LTBP4: variants seen among roughly 807,000 people sequenced by gnomAD.
LTBP4 encodes the protein latent-transforming growth factor beta-binding protein 4.
LTBP4 carries 93 observed loss-of-function variants against 180.2 expected under a neutral mutation model. The observed-to-expected ratio is 0.52, with a 90% CI of 0.44 to 0.61. LTBP4 has a LOEUF of 0.61. Among genes scored for constraint, LTBP4 ranks in the 20% least tolerant of loss-of-function variants. The pLI, the probability that LTBP4 is intolerant of heterozygous loss-of-function variation, is 0.00. For missense variants in LTBP4, 2,116 were observed against 2,256.5 expected, an observed-to-expected ratio of 0.94 and a Z score of 1.26; for synonymous variants, 947 against 934.5, an observed-to-expected ratio of 1.01 and a Z score of -0.24.
Position 40,629,453 on chromosome 19 carries a change from G to T in LTBP4, c.4577G>T (p.Cys1526Phe). The T allele has an allele frequency of 1.9e-6, 3 of 1,612,234 alleles. No individual in the cohort carries two copies. Among genetic ancestry groups the T allele is most frequent in the Non-Finnish European group, 2.5e-6 (3 of 1,179,238 alleles). Reference protein sequence around the residue: ...AASPLCVNARCLNTDGSFRCI... With the variant: ...AASPLCVNARFLNTDGSFRCI... ...TCCCCGCTGTGCGTCAACGCGCGTT[G>T]CCTCAACACGGATGGCTCCTTCCGC... is the stretch of plus-strand genomic sequence containing the variant. The change falls in exon 30 of 30, where the codon TGC (cysteine) becomes TTC (phenylalanine). Residue 1526 changes from cysteine to phenylalanine, a missense_variant. Transcript: ENST00000396819. This position sits in a 1 kb window ranked among gnomAD's most constrained non-coding sequence, Gnocchi z 4.5.
intron 27 of LTBP4, among the ~76,000 whole-genome samples, chr19:40,626,474 G>T (rs552344043): frequency 3.9e-5 from 6 of 151,908 alleles, no homozygotes; most frequent in African/African-American, 1.5e-4. Context: ...ACCACATCCG[G>T]GTGCCTAAGA....
At position 40,627,054 on chromosome 19, in the gene LTBP4, C is replaced by T. The variant is rs750237173; in HGVS notation, c.4065C>T (p.Tyr1355=). 5.0e-6 allele frequency: 8 copies of T among 1,613,512 alleles called. No individual in the cohort carries two copies. Among genetic ancestry groups the T allele is most frequent in the Non-Finnish European group, 5.9e-6 (7 of 1,179,602 alleles). ...PPRPGGFGLP[Y]EYGPDLGPPY... is the part of the protein sequence containing the mutation. The stretch of plus-strand genomic sequence containing the variant: ...GACCAGGTGGCTTTGGACTCCCCTA[C>T]GAGTACGGCCCAGACTTAGGTCCAC... Residue 1355 remains tyrosine (Y), a synonymous_variant, in exon 28 of 30, where the codon TAC becomes TAT. Transcript: ENST00000396819.
At position 40,595,055 on chromosome 19, in the gene LTBP4, C is replaced by T. The variant is rs185679564; in HGVS notation, c.16+1874C>T. Among the ~76,000 whole-genome samples, 155 of 152,084 alleles carry T rather than the reference C, an allele frequency of 1.0e-3. 1 individual carries two copies. The highest frequency in any genetic ancestry group is 2.9e-3 in the Admixed American group (45 of 15,262). ...ATCCACGAGGTGGGGGCGGGGCTAA[C>T]GCTACAGAACTGGGAAGCTTAAGAA... On this transcript the variant is annotated intron_variant, in intron 1 of 32. Coordinates refer to the LTBP4 transcript ENST00000204005.
chr19:40,623,911 T>A (rs1402925801), intron 25 of LTBP4, 25 bp from the exon 26 acceptor site: 1 of 1,612,924 alleles, frequency 6.2e-7, no homozygotes, highest in South Asian at 1.1e-5. Context: ...TTGAAGGGGA[T>A]GCCTCTTAAT....
chr19:40,605,687 T>C lies in LTBP4; in HGVS notation c.690+35T>C, dbSNP rs1342540951. On this transcript the variant is annotated intron_variant, in intron 3 of 29. Transcript: ENST00000396819. This position sits in a 1 kb window ranked among gnomAD's most constrained non-coding sequence, Gnocchi z 5.5. The stretch of plus-strand genomic sequence containing the variant: ...GGCCCGTGGGGAGGGGCCCGGAGCT[T>C]GCCTCCGCGCGGGGGCGCGCTCACC... 1.3e-6 allele frequency: 2 copies of C among 1,546,834 alleles called. No individual in the cohort carries two copies. Among genetic ancestry groups the C allele is most frequent in the East Asian group, 4.9e-5 (2 of 40,886 alleles).
chr19:40,612,232 T>C (rs1165215178), intron 15 of LTBP4, 40 bp downstream of exon 15: 3 of 1,549,378 alleles, frequency 1.9e-6, no homozygotes, highest in South Asian at 1.2e-5. Context: ...GCCTGCATCA[T>C]GACCCCCGAC....
At chr19:40,598,046 T>A (rs113365276), upstream of LTBP4, among the ~76,000 whole-genome samples, 6 of 152,020 alleles carry the variant, frequency 3.9e-5, 2 homozygotes, top group African/African-American at 1.4e-4. Flanking sequence ...TCCCTATAGA[T>A]CTGGGGGCTA....
At chr19:40,625,329 A>T (rs1346593240) in intron 26 of LTBP4, among the ~76,000 whole-genome samples, 4 of 53,602 alleles carry the variant, frequency 7.5e-5, no homozygotes, top group East Asian at 5.5e-4. Flanking sequence ...TTTTTTTTTA[A>T]AGATGGGTTT....
At position 40,622,573 on chromosome 19, in the gene LTBP4, G is replaced by A. The variant is rs2081593852; in HGVS notation, c.3390G>A (p.Leu1130=). 6.2e-7 allele frequency: 1 copy of A among 1,613,872 alleles called. No individual in the cohort carries two copies. Among genetic ancestry groups the A allele is most frequent in the East Asian group, 2.2e-5 (1 of 44,886 alleles). ...CCCCGGATGCATGTGACAACATCCT[G>A]GCTCGGAATGTGACATGGCAGGAGT... The part of the protein sequence containing the change: ...TAAPDACDNI[L]ARNVTWQECC... Residue 1130 remains leucine, a synonymous_variant, in exon 23 of 30, where the codon CTG becomes CTA. Transcript: ENST00000396819. The surrounding 1 kb of genome is among the most constrained non-coding windows in gnomAD (Gnocchi z 5.1).
rs1305382437 is a variant in LTBP4, at chr19:40,623,661, A to G, written c.3614A>G (p.Asn1205Ser). 9 of 1,613,852 alleles carry G rather than the reference A, an allele frequency of 5.6e-6. No homozygotes were observed. Among genetic ancestry groups the G allele is most frequent in the Non-Finnish European group, 7.6e-6 (9 of 1,179,884 alleles). ...GTGTGCAAGAGTGGCGTGTGTGTGAACACGGCCCCGGGCTACTCATGCTAT... is the reference window on the plus strand; with the variant it reads ...GTGTGCAAGAGTGGCGTGTGTGTGAGCACGGCCCCGGGCTACTCATGCTAT... ...DQVCKSGVCV[N>S]TAPGYSCYCS... is the part of the protein sequence containing the mutation. Residue 1205 changes from asparagine to serine, a missense_variant, in exon 25 of 30, where the codon AAC becomes AGC. Physicochemically the swap from Asn to Ser is conservative, Grantham distance 46 (BLOSUM62 1). Transcript: ENST00000396819.
chr19:40,606,608 C>A lies in LTBP4; in HGVS notation c.991+82C>A, dbSNP rs2081464482. On this transcript the variant is annotated intron_variant, in intron 6 of 29. Transcript: ENST00000396819. ...CCAGAGCATCCTGGGGCCTTTAATT[C>A]CCTCGGACCCCCCCAGACTCCCGGG... The A allele has an allele frequency of 3.4e-6, 5 of 1,488,744 alleles. No individual in the cohort carries two copies. The South Asian group carries it at 3.7e-5, about 11-fold the overall frequency. The allele number at this position is 1,488,744 out of a possible 1,614,324, so 92.2% of individuals were successfully genotyped here. A position where few individuals can be genotyped will look rare whatever the true frequency, so the allele number is the denominator to read the frequency against.
Position 40,611,533 on chromosome 19 carries a change from G to A in LTBP4, c.2053+139G>A. ...TGAGGGATGGGGACCTCACTCCAGAGTCTTCTCTCCTTTCAACAAAATAAG... is the reference window on the plus strand; with the variant it reads ...TGAGGGATGGGGACCTCACTCCAGAATCTTCTCTCCTTTCAACAAAATAAG... On this transcript the variant is annotated intron_variant, in intron 13 of 29. Transcript: ENST00000396819. This position sits in a 1 kb window ranked among gnomAD's most constrained non-coding sequence, Gnocchi z 4.4. 2 of 1,282,054 alleles carry A rather than the reference G, an allele frequency of 1.6e-6. No individual in the cohort carries two copies. Among genetic ancestry groups the A allele is most frequent in the Middle Eastern group, 2.8e-4 (1 of 3,562 alleles). The allele number at this position is 1,282,054 out of a possible 1,614,324, so 79.4% of individuals were successfully genotyped here.
chr19:40,617,381 C>A (rs957958260), intron 21 of LTBP4, among the ~76,000 whole-genome samples, 156 bp downstream of exon 21: 1 of 152,258 alleles, frequency 6.6e-6, no homozygotes, highest in African/African-American at 2.4e-5. Flanking sequence ...CGGTGGCTCA[C>A]GCCTGTAATC....
At chr19:40,601,204 C>A (rs1448151114), upstream of LTBP4, among the ~76,000 whole-genome samples, 2 of 151,914 alleles carry the variant, frequency 1.3e-5, no homozygotes, top group African/African-American at 4.8e-5. Context: ...TAGCGCCCAG[C>A]CTGCGAGCCT....
rs2081525111 is a variant in LTBP4 at position 40,613,665 on chromosome 19, G to A, written c.2557+136G>A. ...CCAGCAGGATCAGGGGGCAGCTGGT[G>A]GGAGTCTCGAGGCAGTGAGGGGGGG... On this transcript the variant is annotated intron_variant, in intron 17 of 29. Transcript: ENST00000396819. The surrounding 1 kb of genome is among the most constrained non-coding windows in gnomAD (Gnocchi z 5.0). 7.0e-6 allele frequency: 10 copies of A among 1,427,832 alleles called. No homozygotes were observed. Among genetic ancestry groups the A allele is most frequent in the Non-Finnish European group, 9.5e-6 (10 of 1,050,720 alleles). The allele number at this position is 1,427,832 out of a possible 1,614,324, so 88.4% of individuals were successfully genotyped here.
At position 40,612,211 on chromosome 19, in the gene LTBP4, T is replaced by C. The variant is rs2081513018; in HGVS notation, c.2299+19T>C. The C allele has an allele frequency of 5.1e-6, 8 of 1,580,738 alleles. No individual in the cohort carries two copies. The highest frequency in any genetic ancestry group is 1.1e-5 in the South Asian group (1 of 87,374). ...TGCACTGGTGAGACCAGGCCCTGGC[T>C]GTGACCTTGGGCCTGCATCATGACC... On this transcript the variant is annotated intron_variant, in intron 15 of 29. Transcript: ENST00000396819.
At position 40,622,687 on chromosome 19, in the gene LTBP4, G is replaced by C. The variant is rs569381297; in HGVS notation, c.3484+20G>C. The C allele has an allele frequency of 1.9e-6, 3 of 1,588,636 alleles. No homozygotes were observed. The highest frequency in any genetic ancestry group is 2.6e-6 in the Non-Finnish European group (3 of 1,167,840). On this transcript the variant is annotated intron_variant, in intron 23 of 29. Coordinates refer to ENST00000396819, the MANE Select transcript of LTBP4 (RefSeq NM_001042545.2). This position sits in a 1 kb window ranked among gnomAD's most constrained non-coding sequence, Gnocchi z 5.1. ...AGACAGGTGGGCATGGGCTGATGGGGACACAGGGCTGAGGGCTTGGGTGGA... is the reference window on the plus strand; with the variant it reads ...AGACAGGTGGGCATGGGCTGATGGGCACACAGGGCTGAGGGCTTGGGTGGA...
rs60121587 is a variant in LTBP4, at chr19:40,595,905, A to ATTTTTTTTT, written c.16+2749_16+2757dup. 2.7e-4 allele frequency among the ~76,000 whole-genome samples: 16 copies of ATTTTTTTTT among 60,062 alleles called. 1 individual carries two copies. Among genetic ancestry groups the ATTTTTTTTT allele is most frequent in the East Asian group, 6.5e-4 (1 of 1,550 alleles). The allele number at this position is 60,062 out of a possible 152,430, so 39.4% of individuals were successfully genotyped here. A position where few individuals can be genotyped will look rare whatever the true frequency, so the allele number is the denominator to read the frequency against. ...GCCACCATACCCGGCTAATTTTTGGATTTTTTTTTTTTTTTTTTTTTTTTT... is the reference window on the plus strand; with the variant it reads ...GCCACCATACCCGGCTAATTTTTGGATTTTTTTTTTTTTTTTTTTTTTTTTTTTTTTTTT... On this transcript the variant is annotated intron_variant, in intron 1 of 32. Coordinates refer to the LTBP4 transcript ENST00000204005.
chr19:40,625,316 A>ATATATATATATATATATATATATTTT (rs1568414647), intron 26 of LTBP4, among the ~76,000 whole-genome samples: 1 of 21,930 alleles, frequency 4.6e-5, no homozygotes, highest in Admixed American at 4.1e-4. Context: ...ATATATATAT[A>ATATATATATATATATATATATATTTT]TTTTTTTTTT....
Sources: gnomAD v4.1 joint callset for allele counts (sites outside exome capture counted in the v4.1 genomes callset) on GRCh38, gnomAD v4.1.1 for gene constraint, Gnocchi (gnomAD v3.1) non-coding constraint, MANE v1.5 for transcripts, NCBI Gene and HGNC (gene_info 2026-07-23, HGNC 2026-07-21) for gene names.